Variants in MALRD1 observed in about 807,000 individuals in gnomAD.
MALRD1 encodes the protein MAM and LDL receptor class A domain containing 1.
MALRD1 carries 247 observed loss-of-function variants against 242.1 expected under a neutral mutation model. The observed-to-expected ratio is 1.02, with a 90% CI of 0.92 to 1.13. MALRD1 has a LOEUF of 1.13. Ranked by LOEUF, MALRD1 falls within the 50% of genes most tolerant of loss-of-function variation. The pLI is 0.00. For synonymous variants in MALRD1, 995 were observed against 866.6 expected (o/e 1.15, Z -2.60); for missense variants, 2,989 against 2,533.1 (o/e 1.18, Z -3.86).
At chr10:19,311,627 A>G (rs1009500638) in intron 21 of MALRD1, among the ~76,000 whole-genome samples, 4 of 151,484 alleles carry the variant, frequency 2.6e-5, no homozygotes, top group African/African-American at 9.7e-5. Flanking sequence ...ATTATGAACA[A>G]TCTATATGTC....
chr10:19,142,703 CTTTA>C (rs1833594477), intron 10 of MALRD1, among the ~76,000 whole-genome samples: 2 of 152,226 alleles, frequency 1.3e-5, no homozygotes, highest in South Asian at 2.1e-4. Context: ...AATGAAAGTA[CTTTA>C]TTTATAACAT....
At chr10:19,403,815 C>T (rs969816002) in intron 28 of MALRD1, among the ~76,000 whole-genome samples, 2 of 151,948 alleles carry the variant, frequency 1.3e-5, no homozygotes, top group African/African-American at 4.8e-5. Context: ...GTCTTTTTAG[C>T]GTTTGTTTCT....
At chr10:19,596,849 A>G (rs1005701941) in intron 34 of MALRD1, among the ~76,000 whole-genome samples, 3 of 149,698 alleles carry the variant, frequency 2.0e-5, no homozygotes, top group Non-Finnish European at 4.5e-5. Context: ...GGAAGGAGGG[A>G]GGGACAGAGA....
intron 31 of MALRD1, among the ~76,000 whole-genome samples, chr10:19,521,988 C>G (rs1260633002): frequency 6.6e-6 from 1 of 152,052 alleles, no homozygotes; most frequent in Non-Finnish European, 1.5e-5. Context: ...ATTTTCACAT[C>G]TGTCATCCAT....
chr10:19,485,805 T>C (rs1324474856), intron 29 of MALRD1, among the ~76,000 whole-genome samples: 1 of 152,122 alleles, frequency 6.6e-6, no homozygotes, highest in Non-Finnish European at 1.5e-5. Context: ...CTTACATAAC[T>C]ACTTCCAATT....
At chr10:19,410,496 G>T (rs1419689354) in intron 28 of MALRD1, among the ~76,000 whole-genome samples, 1 of 152,168 alleles carries the variant, frequency 6.6e-6, no homozygotes, top group Non-Finnish European at 1.5e-5. Flanking sequence ...GATAGTACAA[G>T]CCTAGGTCTT....
intron 36 of MALRD1, among the ~76,000 whole-genome samples, chr10:19,644,059 T>G (rs2131685379): frequency 6.6e-6 from 1 of 152,332 alleles, no homozygotes; most frequent in South Asian, 2.1e-4. Flanking sequence ...TTACTGCTAC[T>G]TGACCTAACA....
chr10:19,588,638 TTTCTTATTTACTCATGTATG>T (rs1837577407), intron 33 of MALRD1, among the ~76,000 whole-genome samples: 1 of 152,158 alleles, frequency 6.6e-6, no homozygotes, highest in East Asian at 1.9e-4. Context: ...TAAAGCAACA[TTTCTTATTTACTCATGTATG>T]TAGAGACGGA....
At chr10:19,059,710 T>A (rs1033744701) in intron 1 of MALRD1, among the ~76,000 whole-genome samples, 5 of 152,074 alleles carry the variant, frequency 3.3e-5, no homozygotes, top group African/African-American at 1.2e-4. Flanking sequence ...TATTTTTTTT[T>A]TATAATGAAG....
At chr10:19,584,713 T>G (rs1837301648) in intron 33 of MALRD1, among the ~76,000 whole-genome samples, 2 of 151,930 alleles carry the variant, frequency 1.3e-5, no homozygotes, top group African/African-American at 4.8e-5. Flanking sequence ...TGATTTGGGG[T>G]GGAGAGTTCT....
chr10:19,379,548 GTTAC>G (rs1564608699), intron 26 of MALRD1, among the ~76,000 whole-genome samples: 1 of 152,056 alleles, frequency 6.6e-6, no homozygotes, highest in Non-Finnish European at 1.5e-5. Flanking sequence ...TGACTCAATG[GTTAC>G]TTACAAATAT....
At position 19,567,449 on chromosome 10, in the gene MALRD1, C is replaced by T. The variant is rs1017939880; in HGVS notation, c.5479-53C>T. Reference sequence around the variant, plus strand: ...TTCTTTCATCAATCATCTGGATGTCCTGATACTTCTAATATCCAATCATAA... The same window carrying T: ...TTCTTTCATCAATCATCTGGATGTCTTGATACTTCTAATATCCAATCATAA... On this transcript the variant is annotated intron_variant, in intron 32 of 39. Transcript: ENST00000454679. 3.3e-5 allele frequency: 47 copies of T among 1,434,336 alleles called. No individual in the cohort carries two copies. In the African/African-American group the frequency reaches 5.4e-4, roughly 16 times the overall value. 88.9% of individuals were successfully genotyped at this position (1,434,336 alleles called of 1,614,324 possible).
chr10:19,062,379 A>G (rs1834848318), intron 1 of MALRD1, among the ~76,000 whole-genome samples: 1 of 152,204 alleles, frequency 6.6e-6, no homozygotes, highest in African/African-American at 2.4e-5. Flanking sequence ...CAATTCCTCA[A>G]AATATTAGAA....
intron 2 of MALRD1, 111 bp downstream of exon 2, chr10:19,066,970 G>T: frequency 6.8e-6 from 5 of 732,382 alleles, no homozygotes; most frequent in Non-Finnish European, 9.4e-6. Flanking sequence ...CCCACCACAT[G>T]TTTAATTAGG....
chr10:19,258,629 G>T (rs373706376), intron 19 of MALRD1, among the ~76,000 whole-genome samples: 48 of 152,298 alleles, frequency 3.2e-4, no homozygotes, highest in African/African-American at 1.1e-3. Flanking sequence ...TGATGGGGCT[G>T]ATTCCAGTCT....
At chr10:19,677,337 T>G (rs888015267) in intron 36 of MALRD1, among the ~76,000 whole-genome samples, 4 of 152,200 alleles carry the variant, frequency 2.6e-5, no homozygotes, top group African/African-American at 9.7e-5. Flanking sequence ...GTTTCTTGAC[T>G]TTTTAATAAT....
chr10:19,389,096 ACT>A (rs1846219579), intron 27 of MALRD1: 1 of 364,404 alleles, frequency 2.7e-6, no homozygotes, highest in Admixed American at 3.6e-5. Flanking sequence ...AGACCATATC[ACT>A]CTTTTTTTTA....
At chr10:19,303,339 G>T (rs1013244560) in intron 21 of MALRD1, among the ~76,000 whole-genome samples, 2 of 151,524 alleles carry the variant, frequency 1.3e-5, no homozygotes, top group Non-Finnish European at 3.0e-5. Flanking sequence ...CACCAAGTAC[G>T]ATAGTACCAA....
chr10:19,271,577 C>T (rs1840245268), intron 19 of MALRD1, among the ~76,000 whole-genome samples: 1 of 152,114 alleles, frequency 6.6e-6, no homozygotes, highest in South Asian at 2.1e-4. Context: ...TCCTGGCTAA[C>T]ACGGTGAAAC....
Sources: gnomAD v4.1 joint callset for allele counts (sites outside exome capture counted in the v4.1 genomes callset) on GRCh38, gnomAD v4.1.1 for gene constraint, MANE v1.5 for transcripts, NCBI Gene and HGNC (gene_info 2026-07-23, HGNC 2026-07-21) for gene names.